Variants in CNOT6L observed in about 807,000 individuals in gnomAD.
CNOT6L encodes CCR4-NOT transcription complex subunit 6 like, also known as CCR4-NOT transcription complex subunit 6-like.
Under a neutral mutation model 64.0 loss-of-function variants are expected in CNOT6L, and 7 were observed. That is an observed-to-expected ratio of 0.11 (90% CI 0.06 to 0.21). The LOEUF is 0.21. Among genes scored for constraint, CNOT6L ranks in the 10% least tolerant of loss-of-function variants. CNOT6L has a pLI of 1.00. For synonymous variants in CNOT6L, 193 were observed against 243.4 expected (o/e 0.79, Z 1.93); for missense variants, 245 against 669.0 (o/e 0.37, Z 6.99).
chr4:77,803,851 C>T (rs1224794846), intron 1 of CNOT6L, among the ~76,000 whole-genome samples: 3 of 151,538 alleles, frequency 2.0e-5, no homozygotes, highest in African/African-American at 7.3e-5. Flanking sequence ...TGCAGTGAGC[C>T]GAGATCATGC....
At chr4:77,801,029 G>A (rs766037070) in intron 1 of CNOT6L, among the ~76,000 whole-genome samples, 29 of 152,284 alleles carry the variant, frequency 1.9e-4, no homozygotes, top group Admixed American at 6.5e-4. Context: ...GCTTTGTATT[G>A]AGCAGAAAGG....
chr4:77,717,823 A>G lies in CNOT6L; in HGVS notation c.*2608T>C, dbSNP rs1195200775. The G allele has an allele frequency of 6.6e-6, 1 of 152,562 alleles. No homozygotes were observed. The highest frequency in any genetic ancestry group is 1.5e-5 in the Non-Finnish European group (1 of 68,008). The allele number at this position is 152,562 out of a possible 1,614,324, so 9.5% of individuals were successfully genotyped here. ...CCGTGCACATGAAATTTGGGTTACCATGCCCCAAGTGTGTACCACCCAAAA... is the reference window on the plus strand; with the variant it reads ...CCGTGCACATGAAATTTGGGTTACCGTGCCCCAAGTGTGTACCACCCAAAA... On this transcript the variant is annotated 3_prime_UTR_variant, in exon 12 of 12. Coordinates refer to ENST00000504123, the MANE Select transcript of CNOT6L (RefSeq NM_144571.3).
chr4:77,751,633 TTAAAAACA>T (rs1208936842), intron 5 of CNOT6L, among the ~76,000 whole-genome samples: 3 of 152,088 alleles, frequency 2.0e-5, no homozygotes, highest in East Asian at 3.8e-4. Flanking sequence ...AGAACGAACC[TTAAAAACA>T]TCAGACAGAA....
At chr4:77,783,614 T>C (rs575791419) in intron 1 of CNOT6L, among the ~76,000 whole-genome samples, 3 of 152,280 alleles carry the variant, frequency 2.0e-5, no homozygotes, top group South Asian at 2.1e-4. Flanking sequence ...TGGTCAAGAA[T>C]AGGTGGAGAG....
intron 4 of CNOT6L, among the ~76,000 whole-genome samples, chr4:77,765,615 C>G (rs950907120): frequency 3.3e-5 from 5 of 152,174 alleles, no homozygotes; most frequent in Non-Finnish European, 7.3e-5. Context: ...AGACACAGGT[C>G]TACTTTATTC....
chr4:77,747,481 G>A (rs182525658), intron 6 of CNOT6L, among the ~76,000 whole-genome samples: 1 of 152,136 alleles, frequency 6.6e-6, no homozygotes, highest in East Asian at 1.9e-4. Flanking sequence ...ATCTATTAAT[G>A]TAGTACTATT....
intron 1 of CNOT6L, among the ~76,000 whole-genome samples, chr4:77,794,284 C>A (rs1161593965): frequency 6.6e-6 from 1 of 151,522 alleles, no homozygotes; most frequent in Admixed American, 6.6e-5. Flanking sequence ...TAAACTCTTC[C>A]ATAAAGTTGA....
At chr4:77,731,284 T>C (rs1319303638) in intron 9 of CNOT6L, 103 bp downstream of exon 9, 2 of 1,045,788 alleles carry the variant, frequency 1.9e-6, no homozygotes, top group Non-Finnish European at 1.4e-6. Context: ...CAAAAGAAAA[T>C]AACTTTGCAA....
intron 1 of CNOT6L, among the ~76,000 whole-genome samples, chr4:77,795,649 ATTG>A (rs949737100): frequency 6.6e-6 from 1 of 152,040 alleles, no homozygotes; most frequent in African/African-American, 2.4e-5. Context: ...TTCCACCATG[ATTG>A]TTAAGTCTTC....
At chr4:77,727,287 C>T (rs1286991020) in intron 10 of CNOT6L, among the ~76,000 whole-genome samples, 3 of 151,960 alleles carry the variant, frequency 2.0e-5, no homozygotes, top group Non-Finnish European at 4.4e-5. Context: ...AGGCTGGGTG[C>T]GGTGGCTCAC....
At chr4:77,760,624 G>T (rs1726094713) in intron 4 of CNOT6L, among the ~76,000 whole-genome samples, 2 of 150,866 alleles carry the variant, frequency 1.3e-5, no homozygotes, top group African/African-American at 2.4e-5. Context: ...TGAAAAAGAG[G>T]CAATAAAACT....
At chr4:77,735,177 T>C (rs1229143297) in intron 8 of CNOT6L, among the ~76,000 whole-genome samples, 1 of 152,174 alleles carries the variant, frequency 6.6e-6, no homozygotes, top group Non-Finnish European at 1.5e-5. Flanking sequence ...ATATAAGCTC[T>C]AAAGCTCCCT....
chr4:77,789,734 T>C (rs1163056880), intron 1 of CNOT6L, among the ~76,000 whole-genome samples: 2 of 151,696 alleles, frequency 1.3e-5, no homozygotes, highest in Non-Finnish European at 2.9e-5. Context: ...GCAGATGGCA[T>C]GAGCTCAGGA....
chr4:77,784,491 A>G lies in CNOT6L; in HGVS notation c.6-8099T>C, dbSNP rs1316256059. Reference sequence around the variant, plus strand: ...CCTCCTACTCATCTAAAGATACTGAATATAATCTATTTTTTTTTTTTTTTG... The same window carrying G: ...CCTCCTACTCATCTAAAGATACTGAGTATAATCTATTTTTTTTTTTTTTTG... On this transcript the variant is annotated intron_variant, in intron 1 of 11. Coordinates refer to ENST00000504123, the MANE Select transcript of CNOT6L (RefSeq NM_144571.3). 6.4e-5 allele frequency among the ~76,000 whole-genome samples: 9 copies of G among 141,346 alleles called. No homozygotes were observed. The Admixed American group carries it at 6.9e-4, about 11-fold the overall frequency. 92.7% of individuals were successfully genotyped at this position (141,346 alleles called of 152,430 possible). A position where few individuals can be genotyped will look rare whatever the true frequency, so the allele number is the denominator to read the frequency against.
In CNOT6L at chr4:77,754,888, T is replaced by TAAA; in HGVS notation, c.490+1971_490+1973dup. ...AAAACCTAATTCTAAACATTAGAAGTAAAAAAAAAAAAAAAAAAAAAAAAA... is the reference window on the plus strand; with the variant it reads ...AAAACCTAATTCTAAACATTAGAAGTAAAAAAAAAAAAAAAAAAAAAAAAAAAA... On this transcript the variant is annotated intron_variant, in intron 5 of 11. Coordinates refer to ENST00000504123, the MANE Select transcript of CNOT6L (RefSeq NM_144571.3). 4.1e-3 allele frequency among the ~76,000 whole-genome samples: 151 copies of TAAA among 36,938 alleles called. 11 individuals are homozygous for TAAA. Among genetic ancestry groups the TAAA allele is most frequent in the African/African-American group, 0.015 (133 of 9,024 alleles). The allele number at this position is 36,938 out of a possible 152,430, so 24.2% of individuals were successfully genotyped here.
intron 8 of CNOT6L, among the ~76,000 whole-genome samples, chr4:77,736,029 C>G (rs899012178): frequency 6.6e-6 from 1 of 152,212 alleles, no homozygotes; most frequent in Non-Finnish European, 1.5e-5. Context: ...TACTGCCATA[C>G]TTTTGACTTT....
At chr4:77,759,893 C>G (rs13142864) in intron 4 of CNOT6L, among the ~76,000 whole-genome samples, 1 of 152,178 alleles carries the variant, frequency 6.6e-6, no homozygotes, top group Non-Finnish European at 1.5e-5. Flanking sequence ...AGACCATATT[C>G]TGGGCCAGAA....
intron 6 of CNOT6L, among the ~76,000 whole-genome samples, chr4:77,746,415 A>G (rs890012886): frequency 1.3e-5 from 2 of 152,144 alleles, no homozygotes; most frequent in African/African-American, 2.4e-5. Context: ...TAGCCACCAC[A>G]AAGTATTATA....
chr4:77,804,560 C>G (rs191499317), intron 1 of CNOT6L, among the ~76,000 whole-genome samples: 2 of 151,832 alleles, frequency 1.3e-5, no homozygotes, highest in African/African-American at 4.8e-5. Flanking sequence ...CTAGAAGAAG[C>G]AAATCCATAG....
Sources: allele counts gnomAD v4.1 joint callset (sites outside exome capture counted in the v4.1 genomes callset), GRCh38; gene constraint gnomAD v4.1.1; transcripts MANE v1.5; gene names NCBI Gene and HGNC (gene_info 2026-07-23, HGNC 2026-07-21).